RABGAP1L: variants seen among roughly 807,000 people sequenced by gnomAD.
The protein encoded by RABGAP1L is RAB GTPase activating protein 1 like.
Under a neutral mutation model 137.7 loss-of-function variants are expected in RABGAP1L, and 63 were observed. That is an observed-to-expected ratio of 0.46 (90% confidence interval 0.37 to 0.56). The LOEUF (loss-of-function observed/expected upper bound fraction) is 0.56. RABGAP1L is among the 20% of genes least tolerant of loss of function. RABGAP1L has a pLI of 0.00. For synonymous variants in RABGAP1L, 431 were observed against 433.7 expected (o/e 0.99, Z 0.08); for missense variants, 1,095 against 1,244.0 (o/e 0.88, Z 1.80).
chr1:174,704,091 G>A lies in RABGAP1L; in HGVS notation c.2169+1835G>A, dbSNP rs564665434. Among the ~76,000 whole-genome samples, 21 of 152,196 alleles carry A rather than the reference G, an allele frequency of 1.4e-4. 1 individual carries two copies. The highest frequency in any genetic ancestry group is 1.2e-3 in the Admixed American group (19 of 15,290). On this transcript the variant is annotated intron_variant, in intron 17 of 25. Transcript: ENST00000681986. ...CAGCTCACTGCAACCTCCACCTGCCGGGTTCAAGCAATTCTCCTGCCTCGG... is the reference window on the plus strand; with the variant it reads ...CAGCTCACTGCAACCTCCACCTGCCAGGTTCAAGCAATTCTCCTGCCTCGG...
rs1047263673 is a variant in RABGAP1L, at chr1:174,828,181, G to A, written c.2340+16221G>A. 7.4e-5 allele frequency among the ~76,000 whole-genome samples: 11 copies of A among 148,228 alleles called. 1 individual carries two copies. Among genetic ancestry groups the A allele is most frequent in the African/African-American group, 2.5e-4 (10 of 40,728 alleles). ...TCTGACATAGTAGGATCTTCTTAGA[G>A]CCATCAGAATTTGCAGTTTCAGGTT... On this transcript the variant is annotated intron_variant, in intron 19 of 25. Transcript: ENST00000681986.
In RABGAP1L at chr1:174,911,331, A is replaced by G. The variant is rs552196728; in HGVS notation, c.2341-46126A>G. On this transcript the variant is annotated intron_variant, in intron 19 of 25. Transcript: ENST00000681986. The stretch of plus-strand genomic sequence containing the variant: ...CTTTTTTTAAAGAAAGCAAACCTTT[A>G]TGTAATAATGAGTGCAAACGGCTTT... 6.6e-5 allele frequency among the ~76,000 whole-genome samples: 10 copies of G among 152,268 alleles called. No individual in the cohort carries two copies. In the East Asian group the frequency reaches 1.7e-3, roughly 26 times the overall value.
At chr1:174,366,778 G>GGAAAA (rs1270694468) in intron 11 of RABGAP1L, among the ~76,000 whole-genome samples, 1 of 94,760 alleles carries the variant, frequency 1.1e-5, no homozygotes, top group African/African-American at 3.2e-5. Flanking sequence ...CCGTCTCCAG[G>GGAAAA]AAAAAAAAAA....
At chr1:174,598,833 C>G (rs1670191340) in intron 13 of RABGAP1L, among the ~76,000 whole-genome samples, 1 of 151,298 alleles carries the variant, frequency 6.6e-6, no homozygotes, top group African/African-American at 2.4e-5. Context: ...ATCATTGGGT[C>G]TTTTTTTTAT....
chr1:174,433,017 C>T (rs1223517955), intron 13 of RABGAP1L, among the ~76,000 whole-genome samples: 1 of 152,170 alleles, frequency 6.6e-6, no homozygotes, highest in East Asian at 1.9e-4. Context: ...GCTTATCTTA[C>T]TATCAGTGAG....
intron 13 of RABGAP1L, among the ~76,000 whole-genome samples, chr1:174,623,792 A>G (rs1180824642): frequency 6.6e-6 from 1 of 152,206 alleles, no homozygotes; most frequent in Non-Finnish European, 1.5e-5. Context: ...TAGACTATTC[A>G]GTGTCCAAGG....
At position 174,617,685 on chromosome 1, in the gene RABGAP1L, G is replaced by T. The variant is rs116451645; in HGVS notation, c.1711-19690G>T. Among the ~76,000 whole-genome samples, 1,070 of 152,282 alleles carry T rather than the reference G, an allele frequency of 7.0e-3. 5 individuals are homozygous for T. The highest frequency in any genetic ancestry group is 0.017 in the Middle Eastern group (5 of 294). ...GTCTTTTTCAAAATCCACATCCCCA[G>T]ATAGAATACCTGTTGATCCTGAAGG... On this transcript the variant is annotated intron_variant, in intron 13 of 25. Transcript: ENST00000681986.
In RABGAP1L at chr1:174,965,231, T is replaced by C. The variant is rs1669514534; in HGVS notation, c.2434-4046T>C. On this transcript the variant is annotated intron_variant, in intron 20 of 25. Transcript: ENST00000681986. ...TTTTAAGAGTTATGTAAGCAGTGTC[T>C]CCTGTAATCTTTTCTGAAAGGCAAG... is the stretch of plus-strand genomic sequence containing the variant. Among the ~76,000 whole-genome samples the C allele has an allele frequency of 3.3e-5, 4 of 121,308 alleles. 1 individual carries two copies. Among genetic ancestry groups the C allele is most frequent in the Admixed American group, 2.4e-4 (3 of 12,614 alleles). The allele number at this position is 121,308 out of a possible 152,430, so 79.6% of individuals were successfully genotyped here. A position where few individuals can be genotyped will look rare whatever the true frequency, so the allele number is the denominator to read the frequency against.
At chr1:174,552,320 A>G (rs568631555) in intron 13 of RABGAP1L, among the ~76,000 whole-genome samples, 12 of 151,152 alleles carry the variant, frequency 7.9e-5, no homozygotes, top group Admixed American at 6.6e-4. Flanking sequence ...CCCTCCTTCC[A>G]CCCTCCGCCT....
intron 24 of RABGAP1L, 103 bp from the exon 25 acceptor site, chr1:174,988,537 CA>C (rs1671804437): frequency 7.9e-5 from 80 of 1,008,614 alleles, no homozygotes; most frequent in Non-Finnish European, 9.8e-5. Flanking sequence ...AATGGGCCTG[CA>C]TCTATGACAA....
intron 17 of RABGAP1L, among the ~76,000 whole-genome samples, chr1:174,739,757 C>G (rs913812818): frequency 2.6e-5 from 4 of 152,160 alleles, no homozygotes; most frequent in Non-Finnish European, 5.9e-5. Flanking sequence ...CATATTTAAG[C>G]TTGCATTGTA....
intron 17 of RABGAP1L, among the ~76,000 whole-genome samples, chr1:174,714,660 T>C (rs951036378): frequency 1.3e-5 from 2 of 152,190 alleles, no homozygotes; most frequent in Non-Finnish European, 2.9e-5. Flanking sequence ...TGGGGGTTTA[T>C]TGTAAAGATA....
chr1:174,564,235 T>C (rs1401198593), intron 13 of RABGAP1L, among the ~76,000 whole-genome samples: 1 of 152,202 alleles, frequency 6.6e-6, no homozygotes, highest in African/African-American at 2.4e-5. Context: ...ACAAACAAGA[T>C]TGGTAAATCT....
intron 11 of RABGAP1L, among the ~76,000 whole-genome samples, chr1:174,356,865 C>T (rs1031039403): frequency 6.6e-6 from 1 of 152,112 alleles, no homozygotes; most frequent in Non-Finnish European, 1.5e-5. Flanking sequence ...ACACTTGGTA[C>T]TACTGTGTGT....
At chr1:174,225,225 T>A (rs1670075400) in intron 3 of RABGAP1L, among the ~76,000 whole-genome samples, 1 of 152,126 alleles carries the variant, frequency 6.6e-6, no homozygotes, top group Non-Finnish European at 1.5e-5. Context: ...ATATTGTATT[T>A]TTCTGTTTTT....
intron 14 of RABGAP1L, 148 bp downstream of exon 14, chr1:174,637,636 C>T: frequency 1.7e-6 from 1 of 593,930 alleles, no homozygotes. Flanking sequence ...ATCCTCAGTA[C>T]TGATCCCAGA....
At chr1:174,172,957 G>GT (rs2148242718) in intron 1 of RABGAP1L, among the ~76,000 whole-genome samples, 1 of 152,174 alleles carries the variant, frequency 6.6e-6, no homozygotes, top group African/African-American at 2.4e-5. Context: ...CTTTTCCCTT[G>GT]TGTTTTCTTC....
chr1:174,552,581 T>C lies in RABGAP1L; in HGVS notation c.1711-84794T>C, dbSNP rs146796345. On this transcript the variant is annotated intron_variant, in intron 13 of 25. Transcript: ENST00000681986. ...AAGAATGAGATAAAAAAGAATGAGATCCTATACACCATGAAATACCAATAC... is the reference window on the plus strand; with the variant it reads ...AAGAATGAGATAAAAAAGAATGAGACCCTATACACCATGAAATACCAATAC... Among the ~76,000 whole-genome samples, 197 of 152,154 alleles carry C rather than the reference T, an allele frequency of 1.3e-3. 1 individual carries two copies. Among genetic ancestry groups the C allele is most frequent in the African/African-American group, 4.4e-3 (183 of 41,516 alleles).
rs547086879 is a variant in RABGAP1L, at chr1:174,481,958, T to G, written c.1710+87813T>G. 2.5e-4 allele frequency among the ~76,000 whole-genome samples: 38 copies of G among 151,270 alleles called. No individual in the cohort carries two copies. In the South Asian group the frequency reaches 8.0e-3, roughly 32 times the overall value. On this transcript the variant is annotated intron_variant, in intron 13 of 25. Coordinates refer to ENST00000681986, the MANE Select transcript of RABGAP1L (RefSeq NM_001366446.1). ...GGTTACAGGGCAAAGTCAAATTAAG[T>G]TGGAATTAAACCTGTTAATCAGTTG...
Sources: gnomAD v4.1 joint callset for allele counts (sites outside exome capture counted in the v4.1 genomes callset) on GRCh38, gnomAD v4.1.1 for gene constraint, MANE v1.5 for transcripts, NCBI Gene and HGNC (gene_info 2026-07-23, HGNC 2026-07-21) for gene names.